The following COL14A1 variants were observed in gnomAD, a reference collection of about 807,000 sequenced individuals.
COL14A1 encodes collagen type XIV alpha 1 chain.
A neutral mutation model predicts 230.3 loss-of-function variants in COL14A1; 136 were observed. The observed-to-expected ratio is 0.59, with a 90% CI of 0.51 to 0.68. The LOEUF (loss-of-function observed/expected upper bound fraction) is 0.68. Ranked by LOEUF, COL14A1 falls within the 30% of genes least tolerant of loss-of-function variation. The pLI, the probability that COL14A1 is intolerant of heterozygous loss-of-function variation, is 0.00. For missense variants in COL14A1, 1,976 were observed against 2,215.8 expected, an observed-to-expected ratio of 0.89 and a Z score of 2.17; for synonymous variants, 792 against 784.1, an observed-to-expected ratio of 1.01 and a Z score of -0.17.
At chr8:120,246,276 G>A (rs759138091) in intron 20 of COL14A1, among the ~76,000 whole-genome samples, 4 of 152,032 alleles carry the variant, frequency 2.6e-5, no homozygotes, top group Non-Finnish European at 5.9e-5. Context: ...TGCACATTTT[G>A]CTAAAAATCA....
chr8:120,281,309 C>A (rs1163455135), intron 31 of COL14A1, among the ~76,000 whole-genome samples: 1 of 152,000 alleles, frequency 6.6e-6, no homozygotes, highest in Non-Finnish European at 1.5e-5. Flanking sequence ...TTCCTGTAAT[C>A]GTAACACTTT....
intron 5 of COL14A1, among the ~76,000 whole-genome samples, chr8:120,179,191 C>A (rs1334531643): frequency 1.3e-5 from 2 of 152,010 alleles, no homozygotes; most frequent in African/African-American, 2.4e-5. Context: ...CTGGCCAGGG[C>A]AATCATGCAA....
chr8:120,344,827 G>A (rs10095056), intron 44 of COL14A1, among the ~76,000 whole-genome samples: 3,088 of 152,232 alleles, frequency 0.02, 108 homozygotes, highest in African/African-American at 0.068. Context: ...ACTGAGTTAA[G>A]GGATTGTGGG....
At chr8:120,125,731 G>A (rs901756961) in intron 1 of COL14A1, among the ~76,000 whole-genome samples, 1 of 152,158 alleles carries the variant, frequency 6.6e-6, no homozygotes, top group African/African-American at 2.4e-5. Flanking sequence ...GGTAATTTGG[G>A]TGGGATCCGT....
intron 40 of COL14A1, among the ~76,000 whole-genome samples, chr8:120,321,513 C>T (rs1232702640): frequency 6.6e-6 from 1 of 151,782 alleles, no homozygotes; most frequent in Non-Finnish European, 1.5e-5. Flanking sequence ...CATGGTGGCA[C>T]GAGCCTGTAA....
chr8:120,190,213 A>G (rs1563660726), intron 5 of COL14A1, among the ~76,000 whole-genome samples: 1 of 151,858 alleles, frequency 6.6e-6, no homozygotes, highest in Non-Finnish European at 1.5e-5. Flanking sequence ...TATGGTTTTG[A>G]TATGCATTTC....
At position 120,173,711 on chromosome 8, in the gene COL14A1, A is replaced by G. The variant is rs1376288184; in HGVS notation, c.436+5464A>G. ...CTATCTATCTATTTTACTGCATCTT[A>G]TATCTATCTTTTGCCCATACCACAG... is the stretch of plus-strand genomic sequence containing the variant. On this transcript the variant is annotated intron_variant, in intron 5 of 47. Coordinates refer to ENST00000297848, the MANE Select transcript of COL14A1 (RefSeq NM_021110.4). Among the ~76,000 whole-genome samples, 3 of 147,996 alleles carry G rather than the reference A, an allele frequency of 2.0e-5. No homozygotes were observed. In the South Asian group the frequency reaches 6.4e-4, roughly 31 times the overall value.
chr8:120,298,224 A>G (rs531493206), intron 35 of COL14A1, among the ~76,000 whole-genome samples: 4 of 152,034 alleles, frequency 2.6e-5, no homozygotes, highest in African/African-American at 9.6e-5. Context: ...GCAAAATCTA[A>G]TGTTGAAACT....
Position 120,289,487 on chromosome 8 carries a change from A to G in COL14A1, c.4078-121A>G, listed in dbSNP as rs547323136. On this transcript the variant is annotated intron_variant, in intron 33 of 47. Coordinates refer to ENST00000297848, the MANE Select transcript of COL14A1 (RefSeq NM_021110.4). Reference sequence around the variant, plus strand: ...GAAATTTTCTCTTTTGGCAAAATACATGGTGACAGAATTCTTTCTCTTCTC... The same window carrying G: ...GAAATTTTCTCTTTTGGCAAAATACGTGGTGACAGAATTCTTTCTCTTCTC... 3.2e-3 allele frequency: 2,959 copies of G among 913,560 alleles called. 13 individuals are homozygous for G. Among genetic ancestry groups the G allele is most frequent in the Non-Finnish European group, 3.3e-3 (2,048 of 615,966 alleles). The allele number at this position is 913,560 out of a possible 1,614,324, so 56.6% of individuals were successfully genotyped here.
chr8:120,269,911 G>A (rs1819608604), intron 25 of COL14A1, 124 bp from the exon 26 acceptor site: 3 of 991,886 alleles, frequency 3.0e-6, no homozygotes, highest in Non-Finnish European at 4.5e-6. Flanking sequence ...ACATTAAGAA[G>A]TTTATATCTT....
chr8:120,303,480 C>T (rs1265610459), intron 36 of COL14A1, among the ~76,000 whole-genome samples: 1 of 152,142 alleles, frequency 6.6e-6, no homozygotes. Flanking sequence ...GCCTTCTTTG[C>T]ATCTATTGAG....
At chr8:120,293,059 C>T (rs1820422038) in intron 34 of COL14A1, among the ~76,000 whole-genome samples, 1 of 151,962 alleles carries the variant, frequency 6.6e-6, no homozygotes, top group Non-Finnish European at 1.5e-5. Context: ...AAACTTTTTT[C>T]TCCTAAAAAG....
At chr8:120,310,494 T>A (rs142978176) in intron 37 of COL14A1, among the ~76,000 whole-genome samples, 27 of 152,346 alleles carry the variant, frequency 1.8e-4, no homozygotes, top group Middle Eastern at 3.4e-3. Flanking sequence ...CACACAACTC[T>A]GTTTTTCATT....
At chr8:120,324,468 G>T (rs1821586744) in intron 40 of COL14A1, among the ~76,000 whole-genome samples, 5 of 152,096 alleles carry the variant, frequency 3.3e-5, no homozygotes, top group Admixed American at 3.3e-4. Flanking sequence ...TTAATCTGGT[G>T]GTTGGTCTTA....
chr8:120,288,539 A>G (rs111855192), intron 33 of COL14A1, among the ~76,000 whole-genome samples: 166 of 152,288 alleles, frequency 1.1e-3, no homozygotes, highest in African/African-American at 3.7e-3. Flanking sequence ...GCTAGCTACT[A>G]TAACTCCCAT....
chr8:120,166,374 A>G (rs796493486), intron 4 of COL14A1, among the ~76,000 whole-genome samples: 56 of 152,312 alleles, frequency 3.7e-4, no homozygotes, highest in African/African-American at 1.3e-3. Flanking sequence ...GGCAACATAA[A>G]ATTTATAAGA....
At chr8:120,134,022 G>A (rs1814629434) in intron 1 of COL14A1, among the ~76,000 whole-genome samples, 1 of 151,926 alleles carries the variant, frequency 6.6e-6, no homozygotes, top group Non-Finnish European at 1.5e-5. Flanking sequence ...AAACATATAT[G>A]TATATAATAT....
intron 45 of COL14A1, among the ~76,000 whole-genome samples, chr8:120,348,195 A>C (rs1334557940): frequency 6.7e-6 from 1 of 149,492 alleles, no homozygotes; most frequent in Non-Finnish European, 1.5e-5. Context: ...AGCATATATA[A>C]AGCATATATA....
At chr8:120,364,234 A>T (rs1242147118) in intron 45 of COL14A1, among the ~76,000 whole-genome samples, 1 of 152,174 alleles carries the variant, frequency 6.6e-6, no homozygotes, top group Non-Finnish European at 1.5e-5. Flanking sequence ...CTATAAAAAA[A>T]TGACTTTATA....
Sources: allele counts gnomAD v4.1 joint callset (sites outside exome capture counted in the v4.1 genomes callset), GRCh38; gene constraint gnomAD v4.1.1; transcripts MANE v1.5; gene names NCBI Gene and HGNC (gene_info 2026-07-23, HGNC 2026-07-21).